PRKAG2: variants seen among roughly 807,000 people sequenced by gnomAD.
The protein encoded by PRKAG2 is protein kinase AMP-activated non-catalytic subunit gamma 2, also known as 5'-AMP-activated protein kinase subunit gamma-2.
In PRKAG2, 26 loss-of-function variants were observed where a neutral mutation model predicts 69.6. That is an observed-to-expected ratio of 0.37 (90% CI 0.27 to 0.52). PRKAG2 has a LOEUF of 0.52. Ranked by LOEUF, PRKAG2 falls within the 20% of genes least tolerant of loss-of-function variation. PRKAG2 has a pLI of 0.90. For synonymous variants in PRKAG2, 293 were observed against 285.0 expected (o/e 1.03, Z -0.28); for missense variants, 557 against 740.0 (o/e 0.75, Z 2.87).
chr7:151,657,357 G>A (rs915211155), intron 4 of PRKAG2, among the ~76,000 whole-genome samples: 3 of 152,106 alleles, frequency 2.0e-5, no homozygotes, highest in African/African-American at 7.2e-5. Context: ...ACTCACTGCT[G>A]GACTGTTCTG....
intron 1 of PRKAG2, among the ~76,000 whole-genome samples, chr7:151,790,881 G>A (rs559314715): frequency 2.6e-5 from 4 of 152,326 alleles, no homozygotes; most frequent in East Asian, 1.9e-4. Context: ...AGGGACTCAC[G>A]TCAAGATGGT....
intron 3 of PRKAG2, among the ~76,000 whole-genome samples, chr7:151,752,117 T>C (rs1171629755): frequency 6.6e-6 from 1 of 152,020 alleles, no homozygotes; most frequent in Non-Finnish European, 1.5e-5. Flanking sequence ...AATTTGAGCA[T>C]CAAAAACTTG....
intron 3 of PRKAG2, among the ~76,000 whole-genome samples, chr7:151,697,793 C>T (rs1397239911): frequency 1.3e-5 from 2 of 152,084 alleles, no homozygotes; most frequent in African/African-American, 4.8e-5. Flanking sequence ...GAAATCGAGC[C>T]TCTCTCCACC....
chr7:151,801,780 CAG>C (rs1329797399), intron 1 of PRKAG2, among the ~76,000 whole-genome samples: 1 of 152,178 alleles, frequency 6.6e-6, no homozygotes, highest in African/African-American at 2.4e-5. Context: ...GAGAGACTTC[CAG>C]ATCAGCTGCT....
intron 4 of PRKAG2, among the ~76,000 whole-genome samples, chr7:151,642,154 T>G (rs1227297944): frequency 6.9e-6 from 1 of 145,520 alleles, no homozygotes; most frequent in Non-Finnish European, 1.5e-5. Flanking sequence ...GCTAACACGG[T>G]GAAACACTGT....
At chr7:151,560,155 T>A in intron 15 of PRKAG2, 4 of 985,410 alleles carry the variant, frequency 4.1e-6, no homozygotes, top group Non-Finnish European at 4.8e-6. Flanking sequence ...AAGATGAAGG[T>A]ATCAAATAGA....
chr7:151,827,758 A>C (rs1013871973), intron 1 of PRKAG2, among the ~76,000 whole-genome samples: 2 of 147,012 alleles, frequency 1.4e-5, no homozygotes, highest in East Asian at 2.0e-4. Flanking sequence ...AAAAAAAAAA[A>C]AAAAAAAAAA....
At chr7:151,718,419 C>T (rs748199684) in intron 3 of PRKAG2, among the ~76,000 whole-genome samples, 2 of 152,078 alleles carry the variant, frequency 1.3e-5, no homozygotes, top group South Asian at 2.1e-4. Context: ...AGGGCTTCAA[C>T]GTATGAATTC....
At chr7:151,759,879 T>C (rs1402424745) in intron 3 of PRKAG2, among the ~76,000 whole-genome samples, 1 of 152,158 alleles carries the variant, frequency 6.6e-6, no homozygotes. Flanking sequence ...AAAATAAAGG[T>C]GAAAAGGCAT....
chr7:151,726,404 A>ACACACG (rs1217624321), intron 3 of PRKAG2, among the ~76,000 whole-genome samples: 17 of 142,428 alleles, frequency 1.2e-4, no homozygotes, highest in African/African-American at 3.7e-4. Context: ...ACACACACGC[A>ACACACG]CACACACACA....
At chr7:151,767,463 G>A (rs1297792452) in intron 3 of PRKAG2, among the ~76,000 whole-genome samples, 2 of 152,198 alleles carry the variant, frequency 1.3e-5, no homozygotes, top group Admixed American at 6.5e-5. Flanking sequence ...GCTAGTTTTT[G>A]TATTTTTAGT....
intron 3 of PRKAG2, among the ~76,000 whole-genome samples, chr7:151,776,354 A>G (rs1185969808): frequency 6.6e-6 from 1 of 152,222 alleles, no homozygotes; most frequent in Non-Finnish European, 1.5e-5. Flanking sequence ...ACCGGGCTGT[A>G]ACAGGCTCTG....
In PRKAG2 at chr7:151,771,830, G is replaced by A. The variant is rs978861402; in HGVS notation, c.466+9322C>T. ...TGCCTCTGTCCCTTCACAGTTTCTG[G>A]ACCCGGTCGGGCTTACATATGACCC... On this transcript the variant is annotated intron_variant, in intron 3 of 15. Coordinates refer to ENST00000287878, the MANE Select transcript of PRKAG2 (RefSeq NM_016203.4). This position sits in a 1 kb window ranked among gnomAD's most constrained non-coding sequence, Gnocchi z 4.0. Among the ~76,000 whole-genome samples, 2 of 152,112 alleles carry A rather than the reference G, an allele frequency of 1.3e-5. No individual in the cohort carries two copies. Among genetic ancestry groups the A allele is most frequent in the Admixed American group, 6.6e-5 (1 of 15,262 alleles).
chr7:151,755,911 T>C (rs1273191978), intron 3 of PRKAG2, among the ~76,000 whole-genome samples: 1 of 152,192 alleles, frequency 6.6e-6, no homozygotes, highest in Non-Finnish European at 1.5e-5. Context: ...TTGGTATTAA[T>C]GATATAAATC....
intron 3 of PRKAG2, among the ~76,000 whole-genome samples, chr7:151,753,918 C>G (rs1341566805): frequency 6.6e-6 from 1 of 152,122 alleles, no homozygotes; most frequent in Admixed American, 6.5e-5. Context: ...CCTGTAGTCG[C>G]AGCTACTCAG....
chr7:151,864,488 A>C (rs9640302), intron 1 of PRKAG2, among the ~76,000 whole-genome samples: 46 of 152,248 alleles, frequency 3.0e-4, no homozygotes, highest in African/African-American at 8.7e-4. Flanking sequence ...GCAACCCTAG[A>C]GGGGAGGTCT....
At chr7:151,577,035 T>C (rs74303070) in intron 6 of PRKAG2, among the ~76,000 whole-genome samples, 4,956 of 152,262 alleles carry the variant, frequency 0.033, 216 homozygotes, top group East Asian at 0.17. Context: ...ACATACTTTA[T>C]GTAATTAAAA....
chr7:151,873,075 C>T (rs552921858), intron 1 of PRKAG2, among the ~76,000 whole-genome samples: 84 of 152,314 alleles, frequency 5.5e-4, no homozygotes, highest in African/African-American at 1.9e-3. Flanking sequence ...TTCAACTAGG[C>T]ATCTTGTATT....
chr7:151,627,017 T>C (rs959894927), intron 5 of PRKAG2, among the ~76,000 whole-genome samples: 2 of 152,172 alleles, frequency 1.3e-5, no homozygotes, highest in Non-Finnish European at 2.9e-5. Flanking sequence ...CATTTTTGTT[T>C]TGTTTATTTG....
Sources: allele counts gnomAD v4.1 joint callset (sites outside exome capture counted in the v4.1 genomes callset), GRCh38; gene constraint gnomAD v4.1.1; non-coding constraint Gnocchi (gnomAD v3.1); transcripts MANE v1.5; gene names NCBI Gene and HGNC (gene_info 2026-07-23, HGNC 2026-07-21).